GNAI3: variants seen among roughly 807,000 people sequenced by gnomAD.
GNAI3 encodes guanine nucleotide-binding protein G(i) subunit alpha-3.
Under a neutral mutation model 41.8 loss-of-function variants are expected in GNAI3, and 12 were observed. The ratio of observed to expected loss-of-function variants is 0.29; its 90% CI spans 0.18 to 0.47. GNAI3 has a LOEUF of 0.47. GNAI3 is among the 20% of genes least tolerant of loss of function. GNAI3 has a pLI of 1.00. For synonymous variants in GNAI3, 132 were observed against 146.5 expected, an observed-to-expected ratio of 0.90 and a Z score of 0.71; for missense variants, 360 against 429.6, an observed-to-expected ratio of 0.84 and a Z score of 1.43.
At chr1:109,550,916 A>G (rs1485405997) in intron 1 of GNAI3, among the ~76,000 whole-genome samples, 2 of 152,246 alleles carry the variant, frequency 1.3e-5, no homozygotes, top group Non-Finnish European at 2.9e-5. Context: ...ACACTGACCA[A>G]CAGAGATACC....
rs1160042397 is a variant in GNAI3 at position 109,582,580 on chromosome 1, T to C, written c.590+15T>C. ...CTATACTTCAAGTAAGTCATTAGCC[T>C]TTTTGCTAGGTGTGCCAAATACAAG... On this transcript the variant is annotated intron_variant, in intron 5 of 8. Coordinates refer to ENST00000369851, the MANE Select transcript of GNAI3 (RefSeq NM_006496.4). 1.3e-6 allele frequency: 2 copies of C among 1,588,928 alleles called. No individual in the cohort carries two copies. The highest frequency in any genetic ancestry group is 1.7e-6 in the Non-Finnish European group (2 of 1,158,032).
intron 4 of GNAI3, among the ~76,000 whole-genome samples, chr1:109,580,097 G>C (rs533583317): frequency 6.6e-6 from 1 of 152,134 alleles, no homozygotes; most frequent in Non-Finnish European, 1.5e-5. Context: ...CACCTCCCAG[G>C]TTCACACCAT....
rs186953013 is a variant in GNAI3, at chr1:109,599,162, G to A, written c.*6840G>A. On this transcript the variant is annotated 3_prime_UTR_variant, in exon 9 of 9. Coordinates refer to ENST00000369851, the MANE Select transcript of GNAI3 (RefSeq NM_006496.4). The stretch of plus-strand genomic sequence containing the variant: ...TTGCTTTTAAGACAACTTTTGTGCC[G>A]CTTTTATCCATTCTTCCTTTTATCC... 133 of 198,048 alleles carry A rather than the reference G, an allele frequency of 6.7e-4. No homozygotes were observed. Among genetic ancestry groups the A allele is most frequent in the East Asian group, 2.9e-4 (2 of 6,956 alleles). The allele number at this position is 198,048 out of a possible 1,614,324, so 12.3% of individuals were successfully genotyped here.
Position 109,586,211 on chromosome 1 carries a change from C to G in GNAI3, c.591-5C>G. On this transcript the variant is annotated splice_polypyrimidine_tract_variant and splice_region_variant and intron_variant, in intron 5 of 8. Coordinates refer to ENST00000369851, the MANE Select transcript of GNAI3 (RefSeq NM_006496.4). ...GCTGAATTTGCTTTCTTTCCCCTTG[C>G]GCAGGATGTTTGATGTAGGTGGCCA... 1 of 1,612,044 alleles carries G rather than the reference C, an allele frequency of 6.2e-7. No homozygotes were observed. The highest frequency in any genetic ancestry group is 1.1e-5 in the South Asian group (1 of 90,910).
intron 1 of GNAI3, among the ~76,000 whole-genome samples, chr1:109,573,536 T>C (rs1043003379): frequency 8.5e-5 from 13 of 152,224 alleles, no homozygotes; most frequent in Non-Finnish European, 1.5e-4. Context: ...CAATAAATTA[T>C]ACTTGGTTGC....
chr1:109,549,422 G>T (rs1276359859), intron 1 of GNAI3, among the ~76,000 whole-genome samples: 1 of 152,218 alleles, frequency 6.6e-6, no homozygotes, highest in African/African-American at 2.4e-5. Flanking sequence ...TGAGATAAAT[G>T]ACAAGTTATC....
At chr1:109,554,850 T>TC (rs1648099244) in intron 1 of GNAI3, among the ~76,000 whole-genome samples, 1 of 152,182 alleles carries the variant, frequency 6.6e-6, no homozygotes, top group Non-Finnish European at 1.5e-5. Context: ...GGTCTTAGAT[T>TC]TAAGTCAGTA....
intron 1 of GNAI3, among the ~76,000 whole-genome samples, chr1:109,570,921 C>G (rs1648580771): frequency 6.6e-6 from 1 of 152,204 alleles, no homozygotes; most frequent in South Asian, 2.1e-4. Flanking sequence ...AGGTCTGAAG[C>G]ACTGAACTAT....
At position 109,594,434 on chromosome 1, in the gene GNAI3, C is replaced by T. The variant is rs1170919089; in HGVS notation, c.*2112C>T. 6.6e-6 allele frequency: 1 copy of T among 152,064 alleles called. No individual in the cohort carries two copies. Among genetic ancestry groups the T allele is most frequent in the Non-Finnish European group, 1.5e-5 (1 of 68,016 alleles). The allele number at this position is 152,064 out of a possible 1,614,324, so 9.4% of individuals were successfully genotyped here. A position where few individuals can be genotyped will look rare whatever the true frequency, so the allele number is the denominator to read the frequency against. On this transcript the variant is annotated 3_prime_UTR_variant, in exon 9 of 9. Coordinates refer to ENST00000369851, the MANE Select transcript of GNAI3 (RefSeq NM_006496.4). Reference sequence around the variant, plus strand: ...CTTCTGTTAAAGAAAAATAGCAGGTCCCCATTTTTCTGCCTCTGTACCATT... The same window carrying T: ...CTTCTGTTAAAGAAAAATAGCAGGTTCCCATTTTTCTGCCTCTGTACCATT...
chr1:109,572,592 G>A (rs1648634107), intron 1 of GNAI3, among the ~76,000 whole-genome samples: 1 of 152,158 alleles, frequency 6.6e-6, no homozygotes, highest in Non-Finnish European at 1.5e-5. Context: ...TACGAAATTG[G>A]AGGCACTGAG....
chr1:109,586,616 T>G, intron 6 of GNAI3, 113 bp from the exon 7 acceptor site: 1 of 780,816 alleles, frequency 1.3e-6, no homozygotes, highest in Non-Finnish European at 2.1e-6. Flanking sequence ...GGTGTTTGAC[T>G]TATTTCCGTG....
chr1:109,597,808 TAAC>T lies in GNAI3; in HGVS notation c.*5488_*5490del, dbSNP rs974782715. The T allele has an allele frequency of 1.3e-5, 2 of 152,198 alleles. No homozygotes were observed. The highest frequency in any genetic ancestry group is 2.9e-5 in the Non-Finnish European group (2 of 68,030). The allele number at this position is 152,198 out of a possible 1,614,324, so 9.4% of individuals were successfully genotyped here. A position where few individuals can be genotyped will look rare whatever the true frequency, so the allele number is the denominator to read the frequency against. On this transcript the variant is annotated 3_prime_UTR_variant, in exon 9 of 9. Transcript: ENST00000369851. ...CTGTGACAGATAACAGTATATGTAATAACATGAATATTTATTTACACTTGGTAG... is the reference window on the plus strand; with the variant it reads ...CTGTGACAGATAACAGTATATGTAATATGAATATTTATTTACACTTGGTAG...
intron 1 of GNAI3, among the ~76,000 whole-genome samples, chr1:109,562,841 C>T (rs1229949147): frequency 6.6e-6 from 1 of 152,022 alleles, no homozygotes; most frequent in African/African-American, 2.4e-5. Flanking sequence ...GATATAGGTG[C>T]TTTGATAAAT....
rs750713417 is a variant in GNAI3, at chr1:109,586,220, T to G, written c.595T>G (p.Phe199Val). ...GCTTTCTTTCCCCTTGCGCAGGATGTTTGATGTAGGTGGCCAAAGATCAGA... is the reference window on the plus strand; with the variant it reads ...GCTTTCTTTCCCCTTGCGCAGGATGGTTGATGTAGGTGGCCAAAGATCAGA... Reference protein sequence around the residue: ...FTFKDLYFKMFDVGGQRSERK... With the variant: ...FTFKDLYFKMVDVGGQRSERK... Residue 199 changes from phenylalanine to valine, a missense_variant, in exon 6 of 9, where the codon TTT becomes GTT. Coordinates refer to ENST00000369851, the MANE Select transcript of GNAI3 (RefSeq NM_006496.4). The G allele has an allele frequency of 2.5e-6, 4 of 1,613,166 alleles. No individual in the cohort carries two copies. The African/African-American group carries it at 5.3e-5, about 22-fold the overall frequency.
intron 1 of GNAI3, among the ~76,000 whole-genome samples, chr1:109,555,963 C>CGTGCGTGT (rs1163257606): frequency 0.021 from 3,107 of 144,562 alleles, 55 homozygotes; most frequent in Non-Finnish European, 0.028. Flanking sequence ...TGCGTGCGTG[C>CGTGCGTGT]GTGTGTGTGT....
rs141580109 is a variant in GNAI3 at position 109,589,459 on chromosome 1, C to T, written c.874+2577C>T. On this transcript the variant is annotated intron_variant, in intron 7 of 8. Transcript: ENST00000369851. ...ACAAGTGTAGACTACTCTTGAGCAA[C>T]GTGGGTTTAAAGGGAAGGGAGAGAT... Among the ~76,000 whole-genome samples the T allele has an allele frequency of 5.9e-5, 9 of 151,920 alleles. No homozygotes were observed. The East Asian group carries it at 1.5e-3, about 26-fold the overall frequency.
At position 109,579,993 on chromosome 1, in the gene GNAI3, A is replaced by G. The variant is rs150435507; in HGVS notation, c.461+632A>G. 4.5e-4 allele frequency among the ~76,000 whole-genome samples: 69 copies of G among 152,242 alleles called. 1 individual carries two copies. In the East Asian group the frequency reaches 0.012, roughly 27 times the overall value. On this transcript the variant is annotated intron_variant, in intron 4 of 8. Coordinates refer to ENST00000369851, the MANE Select transcript of GNAI3 (RefSeq NM_006496.4). ...TTACATATACTTATTTATGAAACCT[A>G]GATTCAGAATGTATTTTTTTTGTTT...
At position 109,562,757 on chromosome 1, in the gene GNAI3, A is replaced by G. The variant is rs568773162; in HGVS notation, c.119-10980A>G. 2.6e-5 allele frequency among the ~76,000 whole-genome samples: 4 copies of G among 152,250 alleles called. No individual in the cohort carries two copies. The East Asian group carries it at 5.8e-4, about 22-fold the overall frequency. On this transcript the variant is annotated intron_variant, in intron 1 of 8. Coordinates refer to ENST00000369851, the MANE Select transcript of GNAI3 (RefSeq NM_006496.4). ...CTGTAGAAACGTGCCCTATGCTGCTATCGATGTTAGAGGGCCCTAGGTAGG... is the reference window on the plus strand; with the variant it reads ...CTGTAGAAACGTGCCCTATGCTGCTGTCGATGTTAGAGGGCCCTAGGTAGG...
chr1:109,590,104 G>T (rs565923649), intron 7 of GNAI3, among the ~76,000 whole-genome samples: 4 of 152,334 alleles, frequency 2.6e-5, no homozygotes, highest in African/African-American at 9.6e-5. Flanking sequence ...AGGCCAAAAA[G>T]TTGAGATGTA....
Sources: gnomAD v4.1 joint callset for allele counts (sites outside exome capture counted in the v4.1 genomes callset) on GRCh38, gnomAD v4.1.1 for gene constraint, MANE v1.5 for transcripts, NCBI Gene and HGNC (gene_info 2026-07-23, HGNC 2026-07-21) for gene names.